Variants in SCML4 observed in about 807,000 individuals in gnomAD.
SCML4 encodes sex comb on midleg-like protein 4.
A neutral mutation model predicts 41.1 loss-of-function variants in SCML4; 34 were observed. That is an observed-to-expected ratio of 0.83 (90% CI 0.63 to 1.10). The LOEUF is 1.10. Among genes scored for constraint, SCML4 ranks in the 50% least tolerant of loss-of-function variants. SCML4 has a pLI of 0.00. For synonymous variants in SCML4, 214 were observed against 220.9 expected, an observed-to-expected ratio of 0.97 and a Z score of 0.28; for missense variants, 522 against 534.1, an observed-to-expected ratio of 0.98 and a Z score of 0.22.
chr6:107,837,977 A>C, the SCML4 span, among the ~76,000 whole-genome samples: 82 of 143,168 alleles, frequency 5.7e-4, no homozygotes, highest in African/African-American at 2.1e-3. Context: ...GCACAATCTC[A>C]GCTCACTGCA....
At position 107,703,836 on chromosome 6, in the gene SCML4, CT is replaced by C. The variant is rs1360737214; in HGVS notation, c.*1363del. ...CCTCATCTCCAACACTGTTGATGTC[CT>C]TTTAAGGAAGAGAATATGCACATGG... is the stretch of plus-strand genomic sequence containing the variant. On this transcript the variant is annotated 3_prime_UTR_variant, in exon 8 of 8. Coordinates refer to ENST00000369020, the MANE Select transcript of SCML4 (RefSeq NM_198081.5). 6.6e-6 allele frequency among the ~76,000 whole-genome samples: 1 copy of C among 152,194 alleles called. No homozygotes were observed. Among genetic ancestry groups the C allele is most frequent in the Non-Finnish European group, 1.5e-5 (1 of 68,032 alleles).
chr6:107,786,951 G>A (rs1781943736), intron 1 of SCML4, among the ~76,000 whole-genome samples: 1 of 152,122 alleles, frequency 6.6e-6, no homozygotes, highest in African/African-American at 2.4e-5. Context: ...TACTGTCCTC[G>A]GATTTCCAGA....
In SCML4 at chr6:107,702,705, A is replaced by G. The variant is rs1184857462; in HGVS notation, c.*2495T>C. 6.6e-6 allele frequency among the ~76,000 whole-genome samples: 1 copy of G among 152,232 alleles called. No individual in the cohort carries two copies. Among genetic ancestry groups the G allele is most frequent in the African/African-American group, 2.4e-5 (1 of 41,446 alleles). On this transcript the variant is annotated 3_prime_UTR_variant, in exon 8 of 8. Coordinates refer to ENST00000369020, the MANE Select transcript of SCML4 (RefSeq NM_198081.5). The stretch of plus-strand genomic sequence containing the variant: ...CTTACGATTAATAAATTCTTAAGAG[A>G]CAGGCCCTATCACCTTAAAATCTTG...
intron 1 of SCML4, among the ~76,000 whole-genome samples, chr6:107,775,664 G>C (rs1780884154): frequency 1.3e-5 from 2 of 152,076 alleles, no homozygotes; most frequent in South Asian, 4.1e-4. Flanking sequence ...GGACAGATGG[G>C]TATTTTTAAA....
chr6:107,778,720 C>T (rs558485951), intron 1 of SCML4, among the ~76,000 whole-genome samples: 13 of 152,274 alleles, frequency 8.5e-5, no homozygotes, highest in African/African-American at 3.1e-4. Flanking sequence ...ATAACCAAAT[C>T]CAAAGCATAC....
chr6:107,768,489 A>G (rs1780255417), intron 2 of SCML4, among the ~76,000 whole-genome samples: 1 of 152,232 alleles, frequency 6.6e-6, no homozygotes. Context: ...TTAACTCATT[A>G]AACAGAGCAG....
intron 1 of SCML4, among the ~76,000 whole-genome samples, chr6:107,804,067 GAAA>G (rs55853946): frequency 2.3e-4 from 29 of 127,334 alleles, no homozygotes; most frequent in African/African-American, 7.8e-4. Context: ...AAAAGAAAAA[GAAA>G]AAAAAAAAAA....
At chr6:107,802,050 C>T (rs1029993214) in intron 1 of SCML4, among the ~76,000 whole-genome samples, 4 of 151,998 alleles carry the variant, frequency 2.6e-5, no homozygotes, top group Admixed American at 6.5e-5. Flanking sequence ...GGATTACAGG[C>T]GTGAGCCACT....
intron 2 of SCML4, among the ~76,000 whole-genome samples, chr6:107,755,065 C>G (rs2114522653): frequency 6.6e-6 from 1 of 151,858 alleles, no homozygotes; most frequent in South Asian, 2.1e-4. Context: ...GATCACACCA[C>G]TACACTCCAG....
intron 3 of SCML4, among the ~76,000 whole-genome samples, chr6:107,748,530 G>A (rs1447680864): frequency 2.6e-5 from 4 of 152,226 alleles, no homozygotes; most frequent in Non-Finnish European, 5.9e-5. Context: ...ACTGTAGCCA[G>A]TGATGCAAAG....
At chr6:107,736,421 G>T (rs1441436569) in intron 5 of SCML4, among the ~76,000 whole-genome samples, 1 of 152,156 alleles carries the variant, frequency 6.6e-6, no homozygotes, top group Non-Finnish European at 1.5e-5. Context: ...GAAAAACTTG[G>T]AATAAGGAAA....
intron 6 of SCML4, among the ~76,000 whole-genome samples, chr6:107,713,613 A>G (rs1265836722): frequency 1.3e-5 from 2 of 152,246 alleles, no homozygotes; most frequent in African/African-American, 4.8e-5. Flanking sequence ...TATTTTAAGA[A>G]TCAAGAGAAT....
intron 1 of SCML4, among the ~76,000 whole-genome samples, chr6:107,818,740 G>A (rs569416188): frequency 1.6e-4 from 24 of 152,248 alleles, no homozygotes; most frequent in South Asian, 1.5e-3. Flanking sequence ...TTTTCTCTTC[G>A]GTTCTTCCTT....
At chr6:107,832,774 G>T in the SCML4 span, among the ~76,000 whole-genome samples, 5 of 152,324 alleles carry the variant, frequency 3.3e-5, no homozygotes, top group South Asian at 1.0e-3. Context: ...AGACCAGGAA[G>T]AAGAGAGGCC....
At chr6:107,730,339 G>A (rs922367181) in intron 5 of SCML4, among the ~76,000 whole-genome samples, 3 of 152,244 alleles carry the variant, frequency 2.0e-5, no homozygotes, top group South Asian at 2.1e-4. Context: ...ACTCATGGTC[G>A]AAATTTCCTC....
chr6:107,827,220 A>ATATCTT (rs1242396517), upstream of SCML4, among the ~76,000 whole-genome samples: 2 of 146,892 alleles, frequency 1.4e-5, no homozygotes. Context: ...TTATTTAAAT[A>ATATCTT]TATCTTTATA....
chr6:107,722,887 G>GA (rs1449622312), intron 5 of SCML4, among the ~76,000 whole-genome samples: 11 of 151,084 alleles, frequency 7.3e-5, no homozygotes, highest in Admixed American at 1.3e-4. Flanking sequence ...TAAGACACTG[G>GA]AAAAAAAAGC....
At chr6:107,839,359 A>AAGAT in the SCML4 span, among the ~76,000 whole-genome samples, 1 of 56,560 alleles carries the variant, frequency 1.8e-5, no homozygotes, top group African/African-American at 6.9e-5. Context: ...GAAAGAAAGA[A>AAGAT]AGAAAGAAGG....
chr6:107,770,540 C>T (rs973033217), intron 2 of SCML4, among the ~76,000 whole-genome samples: 1 of 152,154 alleles, frequency 6.6e-6, no homozygotes, highest in African/African-American at 2.4e-5. Flanking sequence ...AGAGGAGTGG[C>T]CTACTTCCCA....
Sources: allele counts gnomAD v4.1 joint callset (sites outside exome capture counted in the v4.1 genomes callset), GRCh38; gene constraint gnomAD v4.1.1; transcripts MANE v1.5; gene names NCBI Gene and HGNC (gene_info 2026-07-23, HGNC 2026-07-21).